Variants in ZNF529 observed in about 807,000 individuals in gnomAD.
The protein encoded by ZNF529 is zinc finger protein 529.
ZNF529 carries 11 observed loss-of-function variants against 10.1 expected under a neutral mutation model. The ratio of observed to expected loss-of-function variants is 1.09; its 90% confidence interval spans 0.69 to 1.81. The LOEUF is 1.81. ZNF529 is among the 40% of genes most tolerant of loss of function. ZNF529 has a pLI of 0.00. For synonymous variants in ZNF529, 204 were observed against 215.7 expected, an observed-to-expected ratio of 0.95 and a Z score of 0.47; for missense variants, 624 against 666.8, an observed-to-expected ratio of 0.94 and a Z score of 0.71.
intron 2 of ZNF529, among the ~76,000 whole-genome samples, chr19:36,558,686 A>G (rs533705933): frequency 6.6e-6 from 1 of 152,264 alleles, no homozygotes; most frequent in East Asian, 1.9e-4. Flanking sequence ...TAAAAATCCT[A>G]GAAGAAAACA....
intron 2 of ZNF529, chr19:36,582,689 CAG>C (rs2036494025): frequency 1.6e-5 from 2 of 124,252 alleles, no homozygotes; most frequent in Non-Finnish European, 3.2e-5. Flanking sequence ...GGCTGGGTGA[CAG>C]AGCGAGACTC....
rs560950150 is a variant in ZNF529, at chr19:36,572,730, CTAT to C, written c.-46-341_-46-339del. ...TCATTTATCTATCTTATCTATCTAT[CTAT>C]CTATCTATCTATTATCTATCATTTA... On this transcript the variant is annotated intron_variant, in intron 1 of 4. Coordinates refer to ENST00000591340, the MANE Select transcript of ZNF529 (RefSeq NM_020951.5). 3.5e-3 allele frequency among the ~76,000 whole-genome samples: 530 copies of C among 151,944 alleles called. 3 individuals carry two copies. Among genetic ancestry groups the C allele is most frequent in the African/African-American group, 0.01 (432 of 41,486 alleles).
intron 2 of ZNF529, among the ~76,000 whole-genome samples, chr19:36,578,727 G>C (rs1200421220): frequency 1.3e-5 from 2 of 151,750 alleles, no homozygotes; most frequent in Non-Finnish European, 2.9e-5. Context: ...TGCTGCCTCA[G>C]CCTCCCTGGT....
intron 2 of ZNF529, among the ~76,000 whole-genome samples, chr19:36,568,617 G>A (rs1433900643): frequency 1.3e-5 from 2 of 151,946 alleles, no homozygotes; most frequent in Admixed American, 6.6e-5. Context: ...GATTACAGGT[G>A]CACACCACCA....
At chr19:36,564,710 T>C (rs2035833276) in intron 2 of ZNF529, among the ~76,000 whole-genome samples, 1 of 152,104 alleles carries the variant, frequency 6.6e-6, no homozygotes. Flanking sequence ...TAACTAAAAA[T>C]AGAACAACCA....
chr19:36,567,395 A>G (rs966002369), intron 2 of ZNF529, among the ~76,000 whole-genome samples: 13 of 152,346 alleles, frequency 8.5e-5, no homozygotes, highest in Non-Finnish European at 1.6e-4. Context: ...TAAAACTCTT[A>G]GAAGGAAATG....
At position 36,570,552 on chromosome 19, in the gene ZNF529, G is replaced by A. The variant is rs73929014; in HGVS notation, c.14+1781C>T. ...TGGAAGCTTGCACCTGGTTTCTCCCGGTATTTGCCCTATGCAACTTTTCCC... is the reference window on the plus strand; with the variant it reads ...TGGAAGCTTGCACCTGGTTTCTCCCAGTATTTGCCCTATGCAACTTTTCCC... On this transcript the variant is annotated intron_variant, in intron 2 of 4. Transcript: ENST00000591340. 4.9e-3 allele frequency among the ~76,000 whole-genome samples: 741 copies of A among 152,196 alleles called. 6 individuals are homozygous for A. The highest frequency in any genetic ancestry group is 0.016 in the African/African-American group (671 of 41,510).
Position 36,544,196 on chromosome 19 carries a change from A to G in ZNF529, c.*2670T>C, listed in dbSNP as rs2034932573. ...GTAAAAACCAAACAGTAATACCACCAATAATAATTATATTATGGTTTCGAG... is the reference window on the plus strand; with the variant it reads ...GTAAAAACCAAACAGTAATACCACCGATAATAATTATATTATGGTTTCGAG... On this transcript the variant is annotated 3_prime_UTR_variant, in exon 5 of 5. Coordinates refer to ENST00000591340, the MANE Select transcript of ZNF529 (RefSeq NM_020951.5). 6.6e-6 allele frequency: 1 copy of G among 152,228 alleles called. No individual in the cohort carries two copies. The highest frequency in any genetic ancestry group is 1.5e-5 in the Non-Finnish European group (1 of 68,048). 9.4% of individuals were successfully genotyped at this position (152,228 alleles called of 1,614,324 possible).
intron 4 of ZNF529, among the ~76,000 whole-genome samples, chr19:36,554,111 A>G (rs1025117198): frequency 6.6e-6 from 1 of 152,242 alleles, no homozygotes; most frequent in Non-Finnish European, 1.5e-5. Context: ...ATGATATGCT[A>G]TATGTGTCCC....
intron 2 of ZNF529, among the ~76,000 whole-genome samples, chr19:36,584,281 T>C (rs2036531223): frequency 6.6e-6 from 1 of 152,110 alleles, no homozygotes. Context: ...ATAAGGTTTT[T>C]TTCATAGACT....
upstream of ZNF529, chr19:36,577,042 T>A (rs962094248): frequency 5.1e-5 from 18 of 356,380 alleles, no homozygotes; most frequent in African/African-American, 3.3e-4. Flanking sequence ...AGCCTCGACC[T>A]CTTAGGCTCA....
At position 36,547,293 on chromosome 19, in the gene ZNF529, T is replaced by C; in HGVS notation, c.1265A>G (p.Tyr422Cys). 1 of 1,613,832 alleles carries C rather than the reference T, an allele frequency of 6.2e-7. No individual in the cohort carries two copies. The highest frequency in any genetic ancestry group is 8.5e-7 in the Non-Finnish European group (1 of 1,179,850). Reference sequence around the variant, plus strand: ...TGCTTTCTCACATTCTTTACATTTATAGGGTTTTTCACCAGTATGAATCCT... The same window carrying C: ...TGCTTTCTCACATTCTTTACATTTACAGGGTTTTTCACCAGTATGAATCCT... Reference protein sequence around the residue: ...HQRIHTGEKPYKCKECEKAFG... With the variant: ...HQRIHTGEKPCKCKECEKAFG... Residue 422 changes from tyrosine (Y) to cysteine (C), a missense_variant, in exon 5 of 5, where the codon TAT becomes TGT. Coordinates refer to ENST00000591340, the MANE Select transcript of ZNF529 (RefSeq NM_020951.5).
intron 2 of ZNF529, among the ~76,000 whole-genome samples, chr19:36,586,406 A>T (rs1234727565): frequency 2.0e-5 from 3 of 152,058 alleles, no homozygotes; most frequent in African/African-American, 7.2e-5. Context: ...GGAGTTCAAG[A>T]CCAGCCTGAC....
chr19:36,547,807 C>G lies in ZNF529; in HGVS notation c.751G>C (p.Glu251Gln). 1 of 1,609,432 alleles carries G rather than the reference C, an allele frequency of 6.2e-7. No homozygotes were observed. Among genetic ancestry groups the G allele is most frequent in the Non-Finnish European group, 8.5e-7 (1 of 1,178,298 alleles). ...DFNVYQKIHN[E>Q]KFYKCKEYRR... The stretch of plus-strand genomic sequence containing the variant: ...TATTCCTTACATTTATAGAACTTCT[C>G]ATTATGAATTTTCTGGTATACATTA... The change falls in exon 5 of 5, where the codon GAG becomes CAG. Residue 251 changes from glutamate (E) to glutamine (Q), a missense_variant. Glu to Gln is a conservative substitution (Grantham distance 29). Coordinates refer to ENST00000591340, the MANE Select transcript of ZNF529 (RefSeq NM_020951.5).
In ZNF529 at chr19:36,547,749, G is replaced by A. The variant is rs770839031; in HGVS notation, c.809C>T (p.Thr270Ile). 5 of 1,613,474 alleles carry A rather than the reference G, an allele frequency of 3.1e-6. No homozygotes were observed. Among genetic ancestry groups the A allele is most frequent in the Non-Finnish European group, 4.2e-6 (5 of 1,179,712 alleles). The change falls in exon 5 of 5, where the codon ACT (threonine) becomes ATT (isoleucine). Residue 270 changes from threonine to isoleucine, a missense_variant. By Grantham distance (89) the Thr-to-Ile change is moderately conservative (BLOSUM62 -1). Coordinates refer to ENST00000591340, the MANE Select transcript of ZNF529 (RefSeq NM_020951.5). ...RRTFERVGKV[T>I]PLQRVHDGEK... ...ACCATCATGAACTCTTTGAAGTGGA[G>A]TAACTTTTCCAACTCTTTCAAAGGT...
chr19:36,591,369 A>G (rs930529655), intron 1 of ZNF529, among the ~76,000 whole-genome samples: 2 of 151,988 alleles, frequency 1.3e-5, no homozygotes, highest in Admixed American at 6.6e-5. Context: ...GAAATGGACA[A>G]AATTTCTAAA....
intron 1 of ZNF529, among the ~76,000 whole-genome samples, chr19:36,595,452 C>T (rs1358616721): frequency 6.6e-6 from 1 of 152,152 alleles, no homozygotes; most frequent in Non-Finnish European, 1.5e-5. Flanking sequence ...GTAACCCCAG[C>T]ACTTTGGGAG....
intron 1 of ZNF529, among the ~76,000 whole-genome samples, chr19:36,604,164 G>C (rs757300287): frequency 6.6e-6 from 1 of 152,100 alleles, no homozygotes; most frequent in Non-Finnish European, 1.5e-5. Flanking sequence ...TGGGCAACAA[G>C]AGCAAAACTC....
Position 36,562,921 on chromosome 19 carries a change from A to G in ZNF529, c.15-6724T>C, listed in dbSNP as rs187496285. Among the ~76,000 whole-genome samples the G allele has an allele frequency of 5.3e-5, 8 of 151,894 alleles. 2 individuals carry two copies. Among genetic ancestry groups the G allele is most frequent in the African/African-American group, 1.9e-4 (8 of 41,442 alleles). On this transcript the variant is annotated intron_variant, in intron 2 of 4. Transcript: ENST00000591340. ...AATGGGATTACAGCCTTCATAAAAG[A>G]GGCTCAATGCAGACTTCCTTGTCCT...
Sources: gnomAD v4.1 joint callset for allele counts (sites outside exome capture counted in the v4.1 genomes callset) on GRCh38, gnomAD v4.1.1 for gene constraint, MANE v1.5 for transcripts, NCBI Gene and HGNC (gene_info 2026-07-23, HGNC 2026-07-21) for gene names.